The following L3MBTL3 variants were observed in gnomAD, a reference collection of about 807,000 sequenced individuals.
The protein encoded by L3MBTL3 is lethal(3)malignant brain tumor-like protein 3.
Under a neutral mutation model 102.3 loss-of-function variants are expected in L3MBTL3, and 27 were observed. That is an observed-to-expected ratio of 0.26 (90% CI 0.19 to 0.36). The LOEUF (loss-of-function observed/expected upper bound fraction) is 0.36. Among genes scored for constraint, L3MBTL3 ranks in the 10% least tolerant of loss-of-function variants. The pLI, the probability that L3MBTL3 is intolerant of heterozygous loss-of-function variation, is 1.00. For synonymous variants in L3MBTL3, 340 were observed against 320.9 expected, an observed-to-expected ratio of 1.06 and a Z score of -0.64; for missense variants, 798 against 955.3, an observed-to-expected ratio of 0.84 and a Z score of 2.17.
chr6:130,045,030 G>A (rs1279074894), intron 3 of L3MBTL3, among the ~76,000 whole-genome samples: 1 of 152,070 alleles, frequency 6.6e-6, no homozygotes, highest in Non-Finnish European at 1.5e-5. Flanking sequence ...CTTATCATGG[G>A]AACAGGTTTT....
At chr6:130,079,940 A>G (rs1049262607) in intron 14 of L3MBTL3, among the ~76,000 whole-genome samples, 2 of 152,144 alleles carry the variant, frequency 1.3e-5, no homozygotes, top group Non-Finnish European at 2.9e-5. Flanking sequence ...AACAGCATTG[A>G]TATAAATCAT....
intron 9 of L3MBTL3, among the ~76,000 whole-genome samples, chr6:130,059,750 C>T (rs896824564): frequency 6.6e-6 from 1 of 152,156 alleles, no homozygotes; most frequent in African/African-American, 2.4e-5. Flanking sequence ...ATAGGTGAAA[C>T]ATATCTTAGT....
rs140207672 is a variant in L3MBTL3, at chr6:130,025,760, T to A, written c.-16+3455T>A. On this transcript the variant is annotated intron_variant, in intron 2 of 22. Coordinates refer to ENST00000361794, the MANE Select transcript of L3MBTL3 (RefSeq NM_032438.4). ...GCATTATTATTCTTTCTCCCATATA[T>A]ACTGTAAATCATTGTTTTGTGTTCC... Among the ~76,000 whole-genome samples the A allele has an allele frequency of 5.0e-3, 757 of 152,304 alleles. 15 individuals carry two copies. In the East Asian group the frequency reaches 0.053, roughly 11 times the overall value.
intron 19 of L3MBTL3, among the ~76,000 whole-genome samples, chr6:130,113,719 G>C (rs766399538): frequency 2.6e-5 from 4 of 152,316 alleles, no homozygotes; most frequent in African/African-American, 9.6e-5. Flanking sequence ...TACATAGAGC[G>C]GTTGCAAGAA....
chr6:130,049,136 G>A (rs1780919916), intron 3 of L3MBTL3, 146 bp from the exon 4 acceptor site: 2 of 594,342 alleles, frequency 3.4e-6, no homozygotes, highest in Non-Finnish European at 6.0e-6. Context: ...CTTAGTATTG[G>A]TGGGAGGTGT....
At chr6:130,126,957 G>T (rs532709514) in intron 20 of L3MBTL3, among the ~76,000 whole-genome samples, 2 of 152,286 alleles carry the variant, frequency 1.3e-5, no homozygotes, top group South Asian at 4.1e-4. Flanking sequence ...ATAGGCAGTT[G>T]TGAGGGGTAG....
chr6:130,075,738 G>A (rs1466486535), intron 13 of L3MBTL3, among the ~76,000 whole-genome samples: 2 of 152,142 alleles, frequency 1.3e-5, no homozygotes, highest in Non-Finnish European at 2.9e-5. Flanking sequence ...ACTGTGGAGG[G>A]AGAGAGTGGA....
At chr6:130,054,422 A>T (rs1781329328) in intron 7 of L3MBTL3, among the ~76,000 whole-genome samples, 1 of 152,198 alleles carries the variant, frequency 6.6e-6, no homozygotes, top group Non-Finnish European at 1.5e-5. Flanking sequence ...CCCTGAGTGG[A>T]ATCAGGGAAA....
At chr6:130,022,949 A>G (rs966646808) in intron 2 of L3MBTL3, among the ~76,000 whole-genome samples, 9 of 152,240 alleles carry the variant, frequency 5.9e-5, no homozygotes, top group African/African-American at 2.2e-4. Context: ...CCAATACTCC[A>G]GGTCCTTCTT....
At chr6:130,034,405 T>C (rs1049349995) in intron 2 of L3MBTL3, among the ~76,000 whole-genome samples, 3 of 152,232 alleles carry the variant, frequency 2.0e-5, no homozygotes, top group African/African-American at 7.2e-5. Context: ...TCTCACTTGA[T>C]GACTGATTTT....
intron 11 of L3MBTL3, among the ~76,000 whole-genome samples, chr6:130,067,404 G>A (rs1037091053): frequency 4.6e-5 from 7 of 152,058 alleles, no homozygotes; most frequent in Non-Finnish European, 4.4e-5. Flanking sequence ...GTAAGCCACC[G>A]TGCCCGGCCA....
chr6:130,023,605 C>T (rs1779148795), intron 2 of L3MBTL3, among the ~76,000 whole-genome samples: 1 of 152,146 alleles, frequency 6.6e-6, no homozygotes, highest in African/African-American at 2.4e-5. Flanking sequence ...CTCCTTCAGC[C>T]TCCATTTCCT....
intron 20 of L3MBTL3, among the ~76,000 whole-genome samples, chr6:130,126,745 G>A (rs1429522308): frequency 1.3e-5 from 2 of 152,146 alleles, no homozygotes; most frequent in Non-Finnish European, 2.9e-5. Flanking sequence ...TCAAAAAAGT[G>A]TAGGGACAGA....
At chr6:130,057,334 G>T in intron 8 of L3MBTL3, 72 bp from the exon 9 acceptor site, 1 of 1,155,484 alleles carries the variant, frequency 8.7e-7, no homozygotes, top group Non-Finnish European at 1.3e-6. Context: ...TCAGGGACGT[G>T]TGAGTTCACA....
chr6:130,028,169 C>G (rs532741746), intron 2 of L3MBTL3, among the ~76,000 whole-genome samples: 1 of 151,462 alleles, frequency 6.6e-6, no homozygotes, highest in Non-Finnish European at 1.5e-5. Context: ...ATAATTCATC[C>G]TTCTTACAGT....
intron 22 of L3MBTL3, among the ~76,000 whole-genome samples, chr6:130,139,024 G>C (rs985605727): frequency 3.9e-5 from 6 of 152,140 alleles, no homozygotes; most frequent in African/African-American, 1.2e-4. Context: ...CTTAAAGTCA[G>C]TGACTCGTAA....
chr6:130,096,776 G>C (rs1411377728), intron 18 of L3MBTL3, among the ~76,000 whole-genome samples: 1 of 152,200 alleles, frequency 6.6e-6, no homozygotes, highest in Non-Finnish European at 1.5e-5. Flanking sequence ...TGCTTGTTAA[G>C]AGGATTAGTG....
chr6:130,025,809 C>G (rs1779305747), intron 2 of L3MBTL3, among the ~76,000 whole-genome samples: 1 of 152,172 alleles, frequency 6.6e-6, no homozygotes, highest in Non-Finnish European at 1.5e-5. Context: ...TATTGAACCT[C>G]TATTTTGTCT....
At chr6:130,127,523 AAT>A (rs1786691483) in intron 20 of L3MBTL3, among the ~76,000 whole-genome samples, 1 of 152,232 alleles carries the variant, frequency 6.6e-6, no homozygotes, top group Admixed American at 6.5e-5. Flanking sequence ...GTGCTGAATA[AAT>A]AATTGCTGAA....
Sources: allele counts gnomAD v4.1 joint callset (sites outside exome capture counted in the v4.1 genomes callset), GRCh38; gene constraint gnomAD v4.1.1; transcripts MANE v1.5; gene names NCBI Gene and HGNC (gene_info 2026-07-23, HGNC 2026-07-21).